ADGRE5: variants seen among roughly 807,000 people sequenced by gnomAD.
ADGRE5 encodes the protein CD97 molecule.
A neutral mutation model predicts 100.3 loss-of-function variants in ADGRE5; 72 were observed. That is an observed-to-expected ratio of 0.72 (90% CI 0.59 to 0.87). The LOEUF (loss-of-function observed/expected upper bound fraction) is 0.87. ADGRE5 is among the 40% of genes least tolerant of loss of function. ADGRE5 has a pLI of 0.00. For synonymous variants in ADGRE5, 439 were observed against 447.8 expected, an observed-to-expected ratio of 0.98 and a Z score of 0.25; for missense variants, 959 against 1,094.7, an observed-to-expected ratio of 0.88 and a Z score of 1.75.
intron 5 of ADGRE5, among the ~76,000 whole-genome samples, chr19:14,396,742 A>G (rs1224076239): frequency 1.3e-5 from 2 of 152,222 alleles, no homozygotes; most frequent in Non-Finnish European, 2.9e-5. Flanking sequence ...AGAAGGTGTC[A>G]CTTCCAGTTC....
At chr19:14,394,783 G>A (rs1363248482) in intron 4 of ADGRE5, among the ~76,000 whole-genome samples, 2 of 152,116 alleles carry the variant, frequency 1.3e-5, no homozygotes, top group African/African-American at 2.4e-5. Context: ...AGAAACTCAG[G>A]AGGAGGGAAT....
At chr19:14,400,996 C>T (rs1309950691) in intron 9 of ADGRE5, among the ~76,000 whole-genome samples, 2 of 152,054 alleles carry the variant, frequency 1.3e-5, no homozygotes, top group Non-Finnish European at 2.9e-5. Flanking sequence ...TGGTGGCACG[C>T]TTCTGTAGTC....
intron 12 of ADGRE5, among the ~76,000 whole-genome samples, chr19:14,404,126 G>C (rs1976122540): frequency 6.6e-6 from 1 of 151,956 alleles, no homozygotes; most frequent in Non-Finnish European, 1.5e-5. Context: ...TGATCCGCCT[G>C]CCTCAGCCTC....
rs555908112 is a variant in ADGRE5 at position 14,397,964 on chromosome 19, C to T, written c.819+29C>T. On this transcript the variant is annotated intron_variant, in intron 8 of 19. Transcript: ENST00000242786. The stretch of plus-strand genomic sequence containing the variant: ...AGTGGCCCCCACAGGGACGAGGCGG[C>T]GGGAACTCCATCCACACAGCACTGC... 24 of 1,451,662 alleles carry T rather than the reference C, an allele frequency of 1.7e-5. No individual in the cohort carries two copies. In the Middle Eastern group the frequency reaches 5.5e-4, roughly 33 times the overall value. The allele number at this position is 1,451,662 out of a possible 1,614,324, so 89.9% of individuals were successfully genotyped here.
chr19:14,388,596 G>A (rs191910050), intron 2 of ADGRE5, 96 bp downstream of exon 2: 20,750 of 1,605,476 alleles, frequency 0.013, 104 homozygotes, highest in Non-Finnish European at 0.016. Context: ...GGGAAAGAGA[G>A]GGCTCGCGCA....
chr19:14,399,096 C>T (rs1294602608), intron 9 of ADGRE5, among the ~76,000 whole-genome samples: 1 of 151,410 alleles, frequency 6.6e-6, no homozygotes, highest in African/African-American at 2.4e-5. Context: ...ATCCTCCTGC[C>T]TCGGCCTCCC....
At chr19:14,392,274 G>C (rs1202272296) in intron 4 of ADGRE5, among the ~76,000 whole-genome samples, 3 of 147,970 alleles carry the variant, frequency 2.0e-5, no homozygotes, top group Non-Finnish European at 3.0e-5. Context: ...TAGACAAGGG[G>C]AAGAAAGAGT....
intron 8 of ADGRE5, 30 bp downstream of exon 8, chr19:14,397,965 G>A (rs767933713): frequency 1.4e-5 from 20 of 1,458,160 alleles, no homozygotes; most frequent in Middle Eastern, 3.6e-4. Flanking sequence ...ACGAGGCGGC[G>A]GGAACTCCAT....
chr19:14,396,045 C>T (rs1975763802), intron 4 of ADGRE5, among the ~76,000 whole-genome samples: 1 of 152,218 alleles, frequency 6.6e-6, no homozygotes, highest in Non-Finnish European at 1.5e-5. Context: ...TCAGGAAGGC[C>T]CCACCCTGGC....
At chr19:14,382,157 G>T (rs888188736) in intron 1 of ADGRE5, among the ~76,000 whole-genome samples, 1 of 152,160 alleles carries the variant, frequency 6.6e-6, no homozygotes, top group Non-Finnish European at 1.5e-5. Flanking sequence ...GACTGTAACG[G>T]TTATCAGGGT....
chr19:14,385,264 G>A (rs560024084), intron 1 of ADGRE5, among the ~76,000 whole-genome samples: 3 of 151,008 alleles, frequency 2.0e-5, no homozygotes, highest in South Asian at 2.1e-4. Context: ...CATCTGCCTC[G>A]GCCTCCCAAA....
intron 9 of ADGRE5, among the ~76,000 whole-genome samples, chr19:14,398,674 CAAAAAAA>C (rs71164256): frequency 3.8e-5 from 2 of 53,096 alleles, no homozygotes; most frequent in African/African-American, 8.3e-5. Flanking sequence ...GACTCTGTCT[CAAAAAAA>C]AAAAAAAAAA....
At chr19:14,404,989 G>A (rs1025757284) in intron 13 of ADGRE5, 8 of 182,064 alleles carry the variant, frequency 4.4e-5, no homozygotes, top group South Asian at 1.9e-4. Context: ...GATTACAGGC[G>A]TGCACCACCA....
intron 14 of ADGRE5, 54 bp downstream of exon 14, chr19:14,405,993 G>A (rs894649474): frequency 6.0e-6 from 9 of 1,494,788 alleles, no homozygotes; most frequent in Middle Eastern, 2.2e-4. Context: ...GGCCTGGGAG[G>A]GGTTAGCCCC....
At chr19:14,402,306 G>A (rs1464129520) in intron 11 of ADGRE5, among the ~76,000 whole-genome samples, 2 of 151,888 alleles carry the variant, frequency 1.3e-5, no homozygotes, top group Non-Finnish European at 2.9e-5. Flanking sequence ...GTGGTGGCAG[G>A]TGCCTATAAT....
chr19:14,395,243 G>T lies in ADGRE5; in HGVS notation c.347-1099G>T, dbSNP rs189246054. On this transcript the variant is annotated intron_variant, in intron 4 of 19. Transcript: ENST00000242786. ...TTGAACCCGGGAGGCAGAGGTCGCA[G>T]TGAGCTGAGATCACATCATTGCACT... Among the ~76,000 whole-genome samples, 26 of 151,478 alleles carry T rather than the reference G, an allele frequency of 1.7e-4. 1 individual carries two copies. The East Asian group carries it at 3.7e-3, about 21-fold the overall frequency.
intron 1 of ADGRE5, among the ~76,000 whole-genome samples, chr19:14,386,872 G>A (rs534786181): frequency 1.5e-4 from 22 of 151,676 alleles, no homozygotes; most frequent in Admixed American, 2.0e-4. Flanking sequence ...AAAATCAGCC[G>A]GGCTTGGTGG....
intron 3 of ADGRE5, among the ~76,000 whole-genome samples, chr19:14,390,117 A>G (rs1376399825): frequency 1.4e-4 from 15 of 107,032 alleles, no homozygotes; most frequent in Middle Eastern, 4.3e-3. Flanking sequence ...AGAGGGAGGG[A>G]GGGAGGGAAA....
At chr19:14,385,306 A>G (rs1343448857) in intron 1 of ADGRE5, among the ~76,000 whole-genome samples, 1 of 151,070 alleles carries the variant, frequency 6.6e-6, no homozygotes, top group Non-Finnish European at 1.5e-5. Context: ...ACCACCAAGC[A>G]CAGCCCCCCA....
Sources: gnomAD v4.1 joint callset for allele counts (sites outside exome capture counted in the v4.1 genomes callset) on GRCh38, gnomAD v4.1.1 for gene constraint, MANE v1.5 for transcripts, NCBI Gene and HGNC (gene_info 2026-07-23, HGNC 2026-07-21) for gene names.